Variants in STXBP5 observed in about 807,000 individuals in gnomAD.
STXBP5 encodes syntaxin-binding protein 5.
A neutral mutation model predicts 152.4 loss-of-function variants in STXBP5; 50 were observed. The observed-to-expected ratio is 0.33, with a 90% CI of 0.26 to 0.42. The LOEUF is 0.42. STXBP5 is among the 10% of genes least tolerant of loss of function. STXBP5 has a pLI of 1.00. For synonymous variants in STXBP5, 492 were observed against 494.7 expected, an observed-to-expected ratio of 0.99 and a Z score of 0.07; for missense variants, 1,167 against 1,388.6, an observed-to-expected ratio of 0.84 and a Z score of 2.54.
intron 9 of STXBP5, among the ~76,000 whole-genome samples, chr6:147,306,682 G>C (rs145911299): frequency 6.6e-6 from 1 of 152,124 alleles, no homozygotes; most frequent in African/African-American, 2.4e-5. Context: ...CACCCAGCTC[G>C]TTTCTGACCT....
chr6:147,234,242 A>G (rs117101404), intron 2 of STXBP5, among the ~76,000 whole-genome samples: 1 of 152,032 alleles, frequency 6.6e-6, no homozygotes, highest in Non-Finnish European at 1.5e-5. Context: ...GTAATAGTTA[A>G]TAACTGGCAA....
At chr6:147,272,018 G>T (rs984920892) in intron 7 of STXBP5, among the ~76,000 whole-genome samples, 2 of 152,034 alleles carry the variant, frequency 1.3e-5, no homozygotes, top group Non-Finnish European at 2.9e-5. Context: ...TAGATGAAAT[G>T]GAGAATTTCC....
chr6:147,349,969 T>A (rs1784515807), intron 21 of STXBP5, among the ~76,000 whole-genome samples: 1 of 152,188 alleles, frequency 6.6e-6, no homozygotes, highest in African/African-American at 2.4e-5. Flanking sequence ...CCAAATATAA[T>A]AGCAATATGG....
Position 147,355,367 on chromosome 6 carries a change from G to A in STXBP5, c.2305+1994G>A, listed in dbSNP as rs57807457. 7.2e-3 allele frequency among the ~76,000 whole-genome samples: 1,100 copies of A among 152,200 alleles called. 14 individuals are homozygous for A. Among genetic ancestry groups the A allele is most frequent in the African/African-American group, 0.025 (1,055 of 41,532 alleles). On this transcript the variant is annotated intron_variant, in intron 22 of 27. Transcript: ENST00000321680. ...GATACATACAAGTAGCATGTTGTAA[G>A]TATACAGACAGTAGCATGAAAACAG...
At chr6:147,337,214 C>CACAA (rs150169446) in intron 19 of STXBP5, among the ~76,000 whole-genome samples, 3 of 147,264 alleles carry the variant, frequency 2.0e-5, no homozygotes, top group East Asian at 1.9e-4. Flanking sequence ...CACACACACA[C>CACAA]AAGAAGTCAT....
Position 147,327,227 on chromosome 6 carries a change from T to A in STXBP5, c.2031T>A (p.Pro677=), listed in dbSNP as rs371340875. Residue 677 remains proline (P), a synonymous_variant, in exon 18 of 28, where the codon CCT becomes CCA. Coordinates refer to ENST00000321680, the MANE Select transcript of STXBP5 (RefSeq NM_001127715.4). ...GTIELYGSND[P]YRREPRSPRK... ...TTGAATTATATGGCTCTAATGATCCTTATCGGAGAGAACCCCGATCTCCTC... is the reference window on the plus strand; with the variant it reads ...TTGAATTATATGGCTCTAATGATCCATATCGGAGAGAACCCCGATCTCCTC... 6 of 1,613,898 alleles carry A rather than the reference T, an allele frequency of 3.7e-6. No homozygotes were observed. The highest frequency in any genetic ancestry group is 5.1e-6 in the Non-Finnish European group (6 of 1,179,984).
intron 11 of STXBP5, among the ~76,000 whole-genome samples, chr6:147,312,272 T>C (rs1055343601): frequency 2.0e-5 from 3 of 152,204 alleles, no homozygotes; most frequent in Non-Finnish European, 4.4e-5. Context: ...ATAGCTTCTT[T>C]GTAACTTTTC....
intron 25 of STXBP5, among the ~76,000 whole-genome samples, chr6:147,372,986 T>A (rs1785631247): frequency 6.6e-6 from 1 of 152,200 alleles, no homozygotes; most frequent in Non-Finnish European, 1.5e-5. Context: ...GGTGTCTAAA[T>A]TATAAATTTT....
intron 16 of STXBP5, among the ~76,000 whole-genome samples, chr6:147,321,542 A>G (rs1206886896): frequency 5.9e-5 from 9 of 152,338 alleles, no homozygotes; most frequent in Admixed American, 1.3e-4. Context: ...GCTGCACTCC[A>G]GCCAGGGTGA....
chr6:147,208,648 A>G (rs1247233648), intron 2 of STXBP5, among the ~76,000 whole-genome samples: 2 of 152,128 alleles, frequency 1.3e-5, no homozygotes, highest in Non-Finnish European at 2.9e-5. Context: ...TAGATAAAGT[A>G]TTTTCCTTGC....
chr6:147,265,487 G>C (rs888829964), intron 6 of STXBP5, among the ~76,000 whole-genome samples: 1 of 152,114 alleles, frequency 6.6e-6, no homozygotes, highest in African/African-American at 2.4e-5. Context: ...CATGGTACTA[G>C]TTTAAGAAAA....
chr6:147,320,552 A>AGTGTGT (rs71552971), intron 16 of STXBP5, among the ~76,000 whole-genome samples: 1,434 of 84,968 alleles, frequency 0.017, 25 homozygotes, highest in South Asian at 0.047. Context: ...TGCTAATTTG[A>AGTGTGT]GTGTGTGTGT....
chr6:147,362,932 A>G (rs1785129511), intron 23 of STXBP5, among the ~76,000 whole-genome samples: 1 of 152,246 alleles, frequency 6.6e-6, no homozygotes, highest in African/African-American at 2.4e-5. Context: ...AGTGCTCTGC[A>G]GCCACATGTG....
chr6:147,245,054 G>T (rs141842031), intron 4 of STXBP5, among the ~76,000 whole-genome samples: 15 of 144,232 alleles, frequency 1.0e-4, no homozygotes, highest in African/African-American at 3.7e-4. Flanking sequence ...GTTCAGTGGC[G>T]TGATCTTGGC....
chr6:147,335,157 T>C (rs1209799577), intron 19 of STXBP5, among the ~76,000 whole-genome samples: 2 of 152,170 alleles, frequency 1.3e-5, no homozygotes, highest in African/African-American at 4.8e-5. Context: ...AAACTTCATA[T>C]TTAAATTTAT....
chr6:147,278,271 G>C, intron 8 of STXBP5, 67 bp downstream of exon 8: 1 of 1,402,404 alleles, frequency 7.1e-7, no homozygotes, highest in Non-Finnish European at 9.5e-7. Flanking sequence ...GTTTGAGTTT[G>C]CATTCTGATT....
At chr6:147,278,835 G>C (rs1780567868) in intron 8 of STXBP5, among the ~76,000 whole-genome samples, 1 of 152,132 alleles carries the variant, frequency 6.6e-6, no homozygotes, top group African/African-American at 2.4e-5. Context: ...CACAGAATAG[G>C]CTTCATTCCA....
chr6:147,298,074 AAAG>A (rs1337710765), intron 9 of STXBP5, among the ~76,000 whole-genome samples: 5 of 152,108 alleles, frequency 3.3e-5, no homozygotes, highest in African/African-American at 1.2e-4. Flanking sequence ...ATGAATGAAA[AAAG>A]AAAAACTTTA....
At chr6:147,218,473 A>G (rs906616968) in intron 2 of STXBP5, among the ~76,000 whole-genome samples, 6 of 151,800 alleles carry the variant, frequency 4.0e-5, no homozygotes, top group Admixed American at 1.3e-4. Context: ...ATGAATGACT[A>G]TGTTTTTTGG....
Sources: gnomAD v4.1 joint callset for allele counts (sites outside exome capture counted in the v4.1 genomes callset) on GRCh38, gnomAD v4.1.1 for gene constraint, MANE v1.5 for transcripts, NCBI Gene and HGNC (gene_info 2026-07-23, HGNC 2026-07-21) for gene names.